The following CLDN10 variants were observed in gnomAD, a reference collection of about 807,000 sequenced individuals.
CLDN10 encodes the protein claudin-10.
Under a neutral mutation model 22.9 loss-of-function variants are expected in CLDN10, and 15 were observed. That is an observed-to-expected ratio of 0.65 (90% confidence interval 0.44 to 1.01). CLDN10 has a LOEUF of 1.01. CLDN10 is among the 50% of genes least tolerant of loss of function. The pLI is 0.00. For synonymous variants in CLDN10, 114 were observed against 111.4 expected (o/e 1.02, Z -0.15); for missense variants, 247 against 287.8 (o/e 0.86, Z 1.03).
chr13:95,551,483 A>G (rs2043566214), upstream of CLDN10, among the ~76,000 whole-genome samples: 2 of 152,072 alleles, frequency 1.3e-5, no homozygotes, highest in African/African-American at 4.8e-5. Context: ...TCTCTTCTCC[A>G]GTCACCTTGT....
chr13:95,475,276 A>T (rs1367275031), intron 1 of CLDN10, among the ~76,000 whole-genome samples: 1 of 152,134 alleles, frequency 6.6e-6, no homozygotes, highest in African/African-American at 2.4e-5. Context: ...CATCCCTGTG[A>T]TTATGGAAGC....
In CLDN10 at chr13:95,457,563, T is replaced by C. The variant is rs117431705; in HGVS notation, c.214+23516T>C. 4.2e-3 allele frequency among the ~76,000 whole-genome samples: 639 copies of C among 152,270 alleles called. 6 individuals carry two copies. Among genetic ancestry groups the C allele is most frequent in the Non-Finnish European group, 7.0e-3 (479 of 68,012 alleles). ...CCTGTTGCTACCACTATTTGTTCCA[T>C]TCTCTAGTTTCCTACTCGAGTTTCA... On this transcript the variant is annotated intron_variant, in intron 1 of 4. Transcript: ENST00000376873.
intron 3 of CLDN10, among the ~76,000 whole-genome samples, chr13:95,565,451 A>G (rs2043773820): frequency 6.6e-6 from 1 of 152,084 alleles, no homozygotes; most frequent in Non-Finnish European, 1.5e-5. Context: ...TGGCCCAGCT[A>G]TTTTTGTGTT....
At chr13:95,520,913 C>T (rs118123825) in intron 1 of CLDN10, among the ~76,000 whole-genome samples, 6 of 150,604 alleles carry the variant, frequency 4.0e-5, no homozygotes, top group African/African-American at 9.8e-5. Flanking sequence ...TGCAGTGAGC[C>T]GAGATCACAC....
At chr13:95,446,725 C>T (rs2042382766) in intron 1 of CLDN10, among the ~76,000 whole-genome samples, 2 of 152,064 alleles carry the variant, frequency 1.3e-5, no homozygotes, top group Non-Finnish European at 2.9e-5. Context: ...ACCTGTAATT[C>T]CAGCTATTTG....
chr13:95,452,053 C>T (rs2042436792), intron 1 of CLDN10, among the ~76,000 whole-genome samples: 1 of 152,160 alleles, frequency 6.6e-6, no homozygotes, highest in Admixed American at 6.5e-5. Flanking sequence ...GTTCAAACAC[C>T]ATCTCTTTAA....
intron 1 of CLDN10, among the ~76,000 whole-genome samples, chr13:95,464,142 G>A (rs1384325609): frequency 6.6e-6 from 1 of 151,500 alleles, no homozygotes; most frequent in Non-Finnish European, 1.5e-5. Context: ...TAGGGTACAT[G>A]TGCACAACGT....
chr13:95,469,881 T>G (rs1389765960), intron 1 of CLDN10, among the ~76,000 whole-genome samples: 2 of 152,176 alleles, frequency 1.3e-5, no homozygotes, highest in Admixed American at 1.3e-4. Flanking sequence ...AGGTGATAAA[T>G]TGAATATGTA....
intron 1 of CLDN10, among the ~76,000 whole-genome samples, chr13:95,495,233 C>T (rs1392963227): frequency 6.6e-6 from 1 of 151,680 alleles, no homozygotes; most frequent in Non-Finnish European, 1.5e-5. Context: ...GACGGGGTTT[C>T]ATCATGTTGG....
intron 1 of CLDN10, among the ~76,000 whole-genome samples, chr13:95,535,346 G>C (rs894194198): frequency 6.6e-6 from 1 of 152,112 alleles, no homozygotes; most frequent in African/African-American, 2.4e-5. Context: ...GGATGGAAGA[G>C]GTGATGAGGG....
At chr13:95,476,887 T>C (rs537807749) in intron 1 of CLDN10, among the ~76,000 whole-genome samples, 1 of 152,256 alleles carries the variant, frequency 6.6e-6, no homozygotes, top group East Asian at 1.9e-4. Context: ...TTTGTTCACT[T>C]ATTCATTCAA....
At chr13:95,568,183 T>A (rs1207670556) in intron 3 of CLDN10, among the ~76,000 whole-genome samples, 2 of 152,224 alleles carry the variant, frequency 1.3e-5, no homozygotes, top group Non-Finnish European at 2.9e-5. Flanking sequence ...ATTTGGAGGA[T>A]GAACTAATGT....
intron 1 of CLDN10, among the ~76,000 whole-genome samples, chr13:95,512,786 A>T (rs562424380): frequency 6.6e-6 from 1 of 152,366 alleles, no homozygotes; most frequent in Non-Finnish European, 1.5e-5. Context: ...GAACCTGATT[A>T]GGGAAAAATC....
At chr13:95,551,271 T>G (rs1229550829), upstream of CLDN10, among the ~76,000 whole-genome samples, 1 of 152,194 alleles carries the variant, frequency 6.6e-6, no homozygotes, top group African/African-American at 2.4e-5. Context: ...GAAAAGCTTT[T>G]TTAAAGGGCT....
chr13:95,555,988 A>G (rs986933389), intron 1 of CLDN10, among the ~76,000 whole-genome samples: 5 of 152,028 alleles, frequency 3.3e-5, no homozygotes, highest in Admixed American at 2.0e-4. Context: ...ACTCTTGCCT[A>G]TCTTGTGTTA....
chr13:95,433,927 A>G (rs1475288348), exon 1 of CLDN10: 2 of 1,614,056 alleles, frequency 1.2e-6, no homozygotes, highest in African/African-American at 2.7e-5. Context: ...GAAAGTGACC[A>G]CGCGAGCCTC....
intron 1 of CLDN10, among the ~76,000 whole-genome samples, chr13:95,460,404 T>C (rs181553740): frequency 2.0e-5 from 3 of 152,324 alleles, no homozygotes; most frequent in Non-Finnish European, 2.9e-5. Context: ...GGGTAATTTA[T>C]AAAGGGAAGA....
intron 1 of CLDN10, among the ~76,000 whole-genome samples, chr13:95,438,079 G>A (rs1406079086): frequency 2.6e-5 from 4 of 152,128 alleles, no homozygotes; most frequent in East Asian, 1.9e-4. Context: ...TTTAAGACAG[G>A]GTCTCACTCT....
At chr13:95,491,121 C>A (rs1413846013) in intron 1 of CLDN10, among the ~76,000 whole-genome samples, 2 of 152,110 alleles carry the variant, frequency 1.3e-5, no homozygotes, top group Admixed American at 6.6e-5. Context: ...TTTTTCCACC[C>A]CTTTACTTTA....
Sources: allele counts gnomAD v4.1 joint callset (sites outside exome capture counted in the v4.1 genomes callset), GRCh38; gene constraint gnomAD v4.1.1; transcripts MANE v1.5; gene names NCBI Gene and HGNC (gene_info 2026-07-23, HGNC 2026-07-21).